Variants in KDM1A observed in about 807,000 individuals in gnomAD.
KDM1A encodes the protein lysine demethylase 1A.
Under a neutral mutation model 109.4 loss-of-function variants are expected in KDM1A, and 49 were observed. The ratio of observed to expected loss-of-function variants is 0.45; its 90% CI spans 0.36 to 0.57. The LOEUF is 0.57. Among genes scored for constraint, KDM1A ranks in the 20% least tolerant of loss-of-function variants. KDM1A has a pLI of 0.00. For synonymous variants in KDM1A, 380 were observed against 415.4 expected, an observed-to-expected ratio of 0.91 and a Z score of 1.04; for missense variants, 668 against 1,116.6, an observed-to-expected ratio of 0.60 and a Z score of 5.73.
chr1:23,055,301 T>TG (rs1642799188), intron 6 of KDM1A, 140 bp downstream of exon 6: 3 of 289,442 alleles, frequency 1.0e-5, no homozygotes, highest in Middle Eastern at 7.6e-4. Flanking sequence ...TTTATCTTCT[T>TG]AAAGTCAAGT....
intron 16 of KDM1A, among the ~76,000 whole-genome samples, chr1:23,078,451 C>T (rs920707807): frequency 6.6e-6 from 1 of 151,880 alleles, no homozygotes; most frequent in African/African-American, 2.4e-5. Context: ...ATTTCAGTAC[C>T]CTCTCTGAGG....
intron 18 of KDM1A, 78 bp from the exon 19 acceptor site, chr1:23,081,368 A>G: frequency 6.6e-7 from 1 of 1,526,624 alleles, no homozygotes; most frequent in Non-Finnish European, 9.0e-7. Context: ...AGCACCAGGA[A>G]TAAGGTGGGG....
rs534973924 is a variant in KDM1A, at chr1:23,029,327, T to C, written c.352-1142T>C. ...TCTAATAAATTATCTTTTCATGGAA[T>C]TAATAATAATTAGAATTTTTTAATT... On this transcript the variant is annotated intron_variant, in intron 1 of 20. Coordinates refer to ENST00000400181, the MANE Select transcript of KDM1A (RefSeq NM_001009999.3). Among the ~76,000 whole-genome samples, 7 of 152,356 alleles carry C rather than the reference T, an allele frequency of 4.6e-5. No homozygotes were observed. In the South Asian group the frequency reaches 1.4e-3, roughly 32 times the overall value.
Position 23,053,849 on chromosome 1 carries a change from G to A in KDM1A, c.790+10G>A. 1 of 1,436,606 alleles carries A rather than the reference G, an allele frequency of 7.0e-7. No individual in the cohort carries two copies. Among genetic ancestry groups the A allele is most frequent in the South Asian group, 1.1e-5 (1 of 87,364 alleles). 89.0% of individuals were successfully genotyped at this position (1,436,606 alleles called of 1,614,324 possible). ...GAAGCACCTTATAACAGTAAGTAGT[G>A]TGTTCAATAGGACTAATTTGTACTG... On this transcript the variant is annotated intron_variant, in intron 5 of 20. Coordinates refer to ENST00000400181, the MANE Select transcript of KDM1A (RefSeq NM_001009999.3).
At position 23,050,446 on chromosome 1, in the gene KDM1A, G is replaced by C; in HGVS notation, c.637G>C (p.Ala213Pro). The change falls in exon 4 of 21, where the codon GCA becomes CCA. Residue 213 changes from alanine to proline, a missense_variant. By Grantham distance (27) the Ala-to-Pro change is conservative (BLOSUM62 -1). Around this residue, in one of 8 missense-constraint regions of KDM1A, gnomAD observed 149 missense variants for 189.7 expected, o/e 0.79. Transcript: ENST00000400181. ...TCATGACCGGATGACTTCTCAAGAA[G>C]CAGCCTGTTTTCCAGATATTATCAG... ...LPHDRMTSQE[A>P]ACFPDIISGP... 1 of 1,613,538 alleles carries C rather than the reference G, an allele frequency of 6.2e-7. No homozygotes were observed. Among genetic ancestry groups the C allele is most frequent in the East Asian group, 2.2e-5 (1 of 44,822 alleles).
At chr1:23,023,901 G>A (rs985201540) in intron 1 of KDM1A, among the ~76,000 whole-genome samples, 3 of 152,202 alleles carry the variant, frequency 2.0e-5, no homozygotes, top group Non-Finnish European at 4.4e-5. Context: ...CCATGCTGGA[G>A]TGCAGTGGCT....
chr1:23,042,437 A>ATT (rs1316853352), intron 2 of KDM1A, among the ~76,000 whole-genome samples: 29 of 31,152 alleles, frequency 9.3e-4, no homozygotes, highest in South Asian at 1.9e-3. Context: ...TATGAAATAT[A>ATT]TTATTTTTTT....
At chr1:23,053,719 T>C in intron 4 of KDM1A, 42 bp from the exon 5 acceptor site, 1 of 1,274,416 alleles carries the variant, frequency 7.8e-7, no homozygotes, top group Non-Finnish European at 1.1e-6. Flanking sequence ...AAATAACATA[T>C]GTCTATTTGT....
At chr1:23,071,067 A>G (rs1464267703) in intron 12 of KDM1A, among the ~76,000 whole-genome samples, 158 bp from the exon 13 acceptor site, 1 of 152,176 alleles carries the variant, frequency 6.6e-6, no homozygotes, top group Non-Finnish European at 1.5e-5. Flanking sequence ...AAATGGAATG[A>G]TGTAGGTTAG....
intron 5 of KDM1A, among the ~76,000 whole-genome samples, chr1:23,054,224 T>C (rs1432149780): frequency 6.6e-6 from 1 of 152,086 alleles, no homozygotes; most frequent in East Asian, 1.9e-4. Flanking sequence ...GAAGGTTTGG[T>C]TTTATTCTCA....
In KDM1A at chr1:23,019,848, G is replaced by A. The variant is rs1449880004; in HGVS notation, c.252G>A (p.Gln84=). The A allele has an allele frequency of 6.7e-7, 1 of 1,495,088 alleles. No homozygotes were observed. The highest frequency in any genetic ancestry group is 8.9e-7 in the Non-Finnish European group (1 of 1,125,536). The allele number at this position is 1,495,088 out of a possible 1,614,324, so 92.6% of individuals were successfully genotyped here. A position where few individuals can be genotyped will look rare whatever the true frequency, so the allele number is the denominator to read the frequency against. ...AACCGCCGGGGTCCGCAGGGCCTCAGGCCGGCCCTACTGTCGTGCCTGGGT... is the reference window on the plus strand; with the variant it reads ...AACCGCCGGGGTCCGCAGGGCCTCAAGCCGGCCCTACTGTCGTGCCTGGGT... The part of the protein sequence containing the change: ...LAEPPGSAGP[Q]AGPTVVPGSA... The change falls in exon 1 of 21, where the codon CAG becomes CAA. Residue 84 remains glutamine, a synonymous_variant. Coordinates refer to ENST00000400181, the MANE Select transcript of KDM1A (RefSeq NM_001009999.3).
At chr1:23,021,950 C>T (rs1327404531) in intron 1 of KDM1A, among the ~76,000 whole-genome samples, 1 of 152,134 alleles carries the variant, frequency 6.6e-6, no homozygotes, top group Non-Finnish European at 1.5e-5. Context: ...TTGTATTTGG[C>T]TTTAGCATGT....
At chr1:23,046,446 C>A (rs577718960) in intron 3 of KDM1A, among the ~76,000 whole-genome samples, 1 of 152,186 alleles carries the variant, frequency 6.6e-6, no homozygotes, top group Non-Finnish European at 1.5e-5. Flanking sequence ...CGCTAGAAAT[C>A]TAGTTATAGT....
chr1:23,056,566 A>G (rs2124471456), intron 7 of KDM1A, among the ~76,000 whole-genome samples: 1 of 152,238 alleles, frequency 6.6e-6, no homozygotes, highest in Non-Finnish European at 1.5e-5. Flanking sequence ...TTCATGAATA[A>G]TTTTTGAAAT....
chr1:23,043,398 C>G (rs1314529548), intron 2 of KDM1A, among the ~76,000 whole-genome samples: 1 of 152,188 alleles, frequency 6.6e-6, no homozygotes, highest in Non-Finnish European at 1.5e-5. Flanking sequence ...TTTCTTATAT[C>G]TAAGTATCTT....
chr1:23,053,756 T>C lies in KDM1A; in HGVS notation c.712-5T>C, dbSNP rs897317107. 33 of 1,589,234 alleles carry C rather than the reference T, an allele frequency of 2.1e-5. No individual in the cohort carries two copies. The highest frequency in any genetic ancestry group is 2.8e-5 in the Non-Finnish European group (33 of 1,157,992). On this transcript the variant is annotated splice_polypyrimidine_tract_variant and splice_region_variant and intron_variant, in intron 4 of 20. Coordinates refer to ENST00000400181, the MANE Select transcript of KDM1A (RefSeq NM_001009999.3). ...TGTAATACAATTTATGTCATTTAAA[T>C]GCAGCTGCAGTTGTGGTTGGATAAT...
At chr1:23,038,728 A>C (rs1031143264) in intron 2 of KDM1A, among the ~76,000 whole-genome samples, 3 of 152,202 alleles carry the variant, frequency 2.0e-5, no homozygotes, top group African/African-American at 4.8e-5. Context: ...CTTCAAGCAC[A>C]TATCTGTGGT....
chr1:23,081,648 C>G lies in KDM1A; in HGVS notation c.2298+75C>G, dbSNP rs143735009. Reference sequence around the variant, plus strand: ...GGGTTTAATGTATTTGCAGCATGTTCTTGGTCAGGACAGTTTAAGCTAGAA... The same window carrying G: ...GGGTTTAATGTATTTGCAGCATGTTGTTGGTCAGGACAGTTTAAGCTAGAA... On this transcript the variant is annotated intron_variant, in intron 19 of 20. Coordinates refer to ENST00000400181, the MANE Select transcript of KDM1A (RefSeq NM_001009999.3). 1.1e-3 allele frequency: 1,740 copies of G among 1,544,962 alleles called. 13 individuals are homozygous for G. The African/African-American group carries it at 0.021, about 19-fold the overall frequency.
chr1:23,041,280 G>A (rs1642322993), intron 2 of KDM1A, among the ~76,000 whole-genome samples: 1 of 151,984 alleles, frequency 6.6e-6, no homozygotes, highest in Non-Finnish European at 1.5e-5. Flanking sequence ...TTATTTCCAA[G>A]CAAGTTAAAC....
Sources: allele counts gnomAD v4.1 joint callset (sites outside exome capture counted in the v4.1 genomes callset), GRCh38; gene constraint gnomAD v4.1.1; regional missense constraint gnomAD v4.1.1; transcripts MANE v1.5; gene names NCBI Gene and HGNC (gene_info 2026-07-23, HGNC 2026-07-21).